Variants in CNTN4 observed in about 807,000 individuals in gnomAD.
CNTN4 encodes the protein contactin 4.
A neutral mutation model predicts 122.5 loss-of-function variants in CNTN4; 77 were observed. That is an observed-to-expected ratio of 0.63 (90% CI 0.52 to 0.76). CNTN4 has a LOEUF of 0.76. CNTN4 is among the 30% of genes least tolerant of loss of function. The pLI is 0.00. For synonymous variants in CNTN4, 512 were observed against 447.0 expected (o/e 1.15, Z -1.83); for missense variants, 1,256 against 1,259.1 (o/e 1.00, Z 0.04).
intron 3 of CNTN4, among the ~76,000 whole-genome samples, chr3:2,518,450 C>T (rs957022014): frequency 6.6e-6 from 1 of 152,048 alleles, no homozygotes; most frequent in Non-Finnish European, 1.5e-5. Context: ...AGTCTTCGGT[C>T]GCAAAATAAT....
At chr3:3,043,549 G>C (rs116885687) in intron 22 of CNTN4, 43 bp from the exon 23 acceptor site, 1 of 1,420,674 alleles carries the variant, frequency 7.0e-7, no homozygotes, top group South Asian at 1.2e-5. Flanking sequence ...AATCCATTGA[G>C]ACTTAATAAT....
chr3:3,051,827 T>G (rs1426158143), intron 23 of CNTN4, among the ~76,000 whole-genome samples: 1 of 152,214 alleles, frequency 6.6e-6, no homozygotes, highest in African/African-American at 2.4e-5. Flanking sequence ...TCTGGTTTTG[T>G]CTTGAGACAC....
intron 4 of CNTN4, among the ~76,000 whole-genome samples, chr3:2,615,115 A>G (rs1052310750): frequency 1.3e-5 from 2 of 152,242 alleles, no homozygotes; most frequent in African/African-American, 4.8e-5. Flanking sequence ...TTGTTTTTGC[A>G]CATCACTGTT....
At chr3:2,891,891 A>T (rs1163679290) in intron 10 of CNTN4, among the ~76,000 whole-genome samples, 1 of 152,188 alleles carries the variant, frequency 6.6e-6, no homozygotes, top group Non-Finnish European at 1.5e-5. Context: ...TGGTGAATGG[A>T]TGATTGGAAA....
At chr3:2,685,000 T>A (rs1196779841) in intron 4 of CNTN4, among the ~76,000 whole-genome samples, 1 of 152,220 alleles carries the variant, frequency 6.6e-6, no homozygotes, top group African/African-American at 2.4e-5. Flanking sequence ...ATTACATTCT[T>A]GTGAAATGAA....
intron 6 of CNTN4, among the ~76,000 whole-genome samples, chr3:2,817,963 A>G (rs1369807908): frequency 6.6e-6 from 1 of 152,244 alleles, no homozygotes; most frequent in Non-Finnish European, 1.5e-5. Flanking sequence ...AATAAAAAGA[A>G]GTTTATTACA....
At chr3:2,502,736 G>C (rs2076629930) in intron 3 of CNTN4, among the ~76,000 whole-genome samples, 1 of 152,120 alleles carries the variant, frequency 6.6e-6, no homozygotes, top group African/African-American at 2.4e-5. Context: ...AGGAAGAAAG[G>C]GCTTTCCATA....
chr3:2,942,750 A>T (rs1050961835), intron 13 of CNTN4, among the ~76,000 whole-genome samples: 1 of 152,212 alleles, frequency 6.6e-6, no homozygotes, highest in South Asian at 2.1e-4. Flanking sequence ...AAGAAGTACA[A>T]TTTAAACATT....
chr3:2,463,421 T>C (rs991451706), intron 3 of CNTN4, among the ~76,000 whole-genome samples: 2 of 152,220 alleles, frequency 1.3e-5, no homozygotes, highest in Admixed American at 6.5e-5. Context: ...GGTTTTAGCA[T>C]GAGGAACACT....
chr3:2,223,408 A>T (rs2039141807), intron 2 of CNTN4, among the ~76,000 whole-genome samples: 1 of 152,128 alleles, frequency 6.6e-6, no homozygotes, highest in Admixed American at 6.6e-5. Context: ...CTTGTATATA[A>T]GCCCTTAACT....
intron 3 of CNTN4, among the ~76,000 whole-genome samples, chr3:2,554,467 G>A (rs1424935135): frequency 6.6e-6 from 1 of 152,044 alleles, no homozygotes; most frequent in Non-Finnish European, 1.5e-5. Context: ...ATGATTTTGA[G>A]TAACACATCA....
intron 3 of CNTN4, among the ~76,000 whole-genome samples, chr3:2,387,998 TCA>T (rs1170455882): frequency 6.6e-6 from 1 of 152,236 alleles, no homozygotes; most frequent in Non-Finnish European, 1.5e-5. Context: ...GTTTTGGTTT[TCA>T]CACAGTGACT....
chr3:2,577,818 G>A (rs146204797), intron 4 of CNTN4, among the ~76,000 whole-genome samples: 110 of 152,220 alleles, frequency 7.2e-4, no homozygotes, highest in African/African-American at 2.5e-3. Context: ...GTGAATGAGC[G>A]CAGAAATTTA....
In CNTN4 at chr3:2,594,045, C is replaced by T. The variant is rs532908041; in HGVS notation, c.55+22487C>T. Among the ~76,000 whole-genome samples the T allele has an allele frequency of 4.6e-5, 7 of 152,180 alleles. 1 individual carries two copies. The South Asian group carries it at 1.0e-3, about 23-fold the overall frequency. On this transcript the variant is annotated intron_variant, in intron 4 of 24. Coordinates refer to ENST00000418658, the MANE Select transcript of CNTN4 (RefSeq NM_175607.3). ...TTGAAGACCTTGACTTATTTGAGAA[C>T]AGCATGAAAATTTGCCTGCCTGAAA...
intron 6 of CNTN4, among the ~76,000 whole-genome samples, chr3:2,813,499 C>G (rs2092660500): frequency 6.6e-6 from 1 of 152,028 alleles, no homozygotes; most frequent in Non-Finnish European, 1.5e-5. Flanking sequence ...TCTCCCTTCT[C>G]TCTGTGGATT....
chr3:2,837,650 GC>G (rs1011119243), intron 7 of CNTN4, among the ~76,000 whole-genome samples: 1 of 152,132 alleles, frequency 6.6e-6, no homozygotes, highest in African/African-American at 2.4e-5. Flanking sequence ...TGCTAAGAGG[GC>G]TAGTTCATTT....
At chr3:2,109,618 ACAAT>A (rs1448273558) in intron 2 of CNTN4, among the ~76,000 whole-genome samples, 2 of 152,218 alleles carry the variant, frequency 1.3e-5, no homozygotes, top group Non-Finnish European at 2.9e-5. Context: ...GGACAAGAAG[ACAAT>A]CAAACAAAAC....
At chr3:2,904,810 G>A (rs146870485) in intron 12 of CNTN4, among the ~76,000 whole-genome samples, 51 of 152,264 alleles carry the variant, frequency 3.3e-4, no homozygotes, top group African/African-American at 1.2e-3. Flanking sequence ...GTGAGATGTG[G>A]CCTAATGAAA....
At chr3:2,519,802 A>G (rs2077146421) in intron 3 of CNTN4, among the ~76,000 whole-genome samples, 1 of 152,160 alleles carries the variant, frequency 6.6e-6, no homozygotes, top group Non-Finnish European at 1.5e-5. Flanking sequence ...CGAATTCATA[A>G]CATCCAGTTT....
Sources: allele counts gnomAD v4.1 joint callset (sites outside exome capture counted in the v4.1 genomes callset), GRCh38; gene constraint gnomAD v4.1.1; transcripts MANE v1.5; gene names NCBI Gene and HGNC (gene_info 2026-07-23, HGNC 2026-07-21).